The following TIAM1 variants were observed in gnomAD, a reference collection of about 807,000 sequenced individuals.
TIAM1 encodes TIAM Rac1 associated GEF 1.
A neutral mutation model predicts 163.5 loss-of-function variants in TIAM1; 65 were observed. The ratio of observed to expected loss-of-function variants is 0.40; its 90% CI spans 0.33 to 0.49. The LOEUF is 0.49. TIAM1 is among the 20% of genes least tolerant of loss of function. The probability of loss-of-function intolerance (pLI) is 0.77; values close to 1 mark genes in which losing one functional copy is unlikely to be tolerated. For missense variants in TIAM1, 1,789 were observed against 2,044.7 expected (o/e 0.87, Z 2.41); for synonymous variants, 833 against 810.1 (o/e 1.03, Z -0.48).
At chr21:31,226,685 T>A (rs939720532) in intron 6 of TIAM1, among the ~76,000 whole-genome samples, 5 of 152,178 alleles carry the variant, frequency 3.3e-5, no homozygotes, top group Non-Finnish European at 5.9e-5. Context: ...TAACTCGCTA[T>A]TAATGATTCT....
intron 6 of TIAM1, among the ~76,000 whole-genome samples, chr21:31,229,707 T>A (rs1335363643): frequency 6.6e-6 from 1 of 151,888 alleles, no homozygotes; most frequent in Non-Finnish European, 1.5e-5. Flanking sequence ...TGGAGTGCAG[T>A]AGCAGTGCAA....
Position 31,274,737 on chromosome 21 carries a change from C to T in TIAM1, c.-12+1995G>A, listed in dbSNP as rs1477153995. ...ATCTCTAGTGCAAAATTCTTCTCAT[C>T]TTCCAGAATTAAAATCTGAGATTTG... is the stretch of plus-strand genomic sequence containing the variant. On this transcript the variant is annotated intron_variant, in intron 3 of 27. Coordinates refer to ENST00000541036, the MANE Select transcript of TIAM1 (RefSeq NM_001353694.2). Among the ~76,000 whole-genome samples the T allele has an allele frequency of 3.9e-5, 6 of 152,206 alleles. No homozygotes were observed. The South Asian group carries it at 1.0e-3, about 26-fold the overall frequency.
chr21:31,296,343 A>G (rs1157679368), intron 2 of TIAM1, among the ~76,000 whole-genome samples: 1 of 152,228 alleles, frequency 6.6e-6, no homozygotes, highest in East Asian at 1.9e-4. Context: ...TAAATGAACA[A>G]AAACAGATAA....
intron 5 of TIAM1, among the ~76,000 whole-genome samples, chr21:31,250,672 C>T (rs1176957606): frequency 6.6e-6 from 1 of 152,226 alleles, no homozygotes; most frequent in Non-Finnish European, 1.5e-5. Flanking sequence ...ACCTATCTAA[C>T]CTAGCCTGCC....
chr21:31,386,833 G>A (rs1451762860), intron 2 of TIAM1, among the ~76,000 whole-genome samples: 1 of 152,214 alleles, frequency 6.6e-6, no homozygotes, highest in Non-Finnish European at 1.5e-5. Flanking sequence ...ATTGTTAAAA[G>A]AATAACTACA....
intron 1 of TIAM1, among the ~76,000 whole-genome samples, chr21:31,506,021 A>G (rs1602443193): frequency 6.6e-6 from 1 of 151,292 alleles, no homozygotes; most frequent in East Asian, 1.9e-4. Context: ...AAAAAAAAAA[A>G]AAAAAAAAAA....
intron 1 of TIAM1, among the ~76,000 whole-genome samples, chr21:31,472,597 C>T (rs111791684): frequency 1.9e-4 from 29 of 152,302 alleles, no homozygotes; most frequent in African/African-American, 6.3e-4. Flanking sequence ...GTCACATGCC[C>T]CGCATGTTTC....
At position 31,164,983 on chromosome 21, in the gene TIAM1, AT is replaced by A; in HGVS notation, c.2969del (p.Asp990ValfsTer23). On this transcript the variant is annotated frameshift_variant, in exon 16 of 28. Coordinates refer to ENST00000541036, the MANE Select transcript of TIAM1 (RefSeq NM_001353694.2). LOFTEE classifies it high-confidence loss of function. Reference protein sequence around the residue: ...ETEGPDLESSDETDHSSKSTE... With the variant: ...ETEGPDLESSXETDHSSKSTE... The stretch of plus-strand genomic sequence containing the variant: ...TCACCTTGCTGCTGTGATCAGTCTC[AT>A]CTGAGGATTCCAAGTCTGGCCCCTC... 1 of 1,614,174 alleles carries A rather than the reference AT, an allele frequency of 6.2e-7. No individual in the cohort carries two copies. The highest frequency in any genetic ancestry group is 8.5e-7 in the Non-Finnish European group (1 of 1,180,040).
chr21:31,233,862 C>T (rs756468385), intron 6 of TIAM1, among the ~76,000 whole-genome samples: 8 of 152,138 alleles, frequency 5.3e-5, no homozygotes, highest in South Asian at 2.1e-4. Context: ...AGGGACCGTG[C>T]GCTGCAAAGA....
chr21:31,128,136 T>C (rs1374831881), intron 25 of TIAM1, among the ~76,000 whole-genome samples: 4 of 152,252 alleles, frequency 2.6e-5, no homozygotes, highest in Non-Finnish European at 5.9e-5. Context: ...TTTTATCCAG[T>C]GGTTCAGAAC....
At chr21:31,432,276 T>A (rs2044066648) in intron 2 of TIAM1, among the ~76,000 whole-genome samples, 1 of 151,998 alleles carries the variant, frequency 6.6e-6, no homozygotes, top group African/African-American at 2.4e-5. Context: ...AATTTTTGTA[T>A]TTTTAGTGGA....
intron 1 of TIAM1, among the ~76,000 whole-genome samples, chr21:31,474,850 C>T (rs958261393): frequency 2.0e-5 from 3 of 151,680 alleles, no homozygotes; most frequent in Non-Finnish European, 4.4e-5. Flanking sequence ...AACCTTTAGC[C>T]TTTATTATTC....
chr21:31,203,313 G>C (rs958414961), intron 11 of TIAM1, among the ~76,000 whole-genome samples: 4 of 152,126 alleles, frequency 2.6e-5, no homozygotes, highest in Admixed American at 6.5e-5. Context: ...AGTGGAGATG[G>C]GGTTTCACTA....
At chr21:31,555,882 G>C (rs1289612501) in intron 1 of TIAM1, among the ~76,000 whole-genome samples, 1 of 152,012 alleles carries the variant, frequency 6.6e-6, no homozygotes. Context: ...GGTTTCAGTC[G>C]GCACACTAGA....
chr21:31,279,344 A>C (rs1444895907), intron 2 of TIAM1, among the ~76,000 whole-genome samples: 1 of 152,234 alleles, frequency 6.6e-6, no homozygotes, highest in Non-Finnish European at 1.5e-5. Context: ...ATGTGCCAAC[A>C]AGTACGTATC....
intron 2 of TIAM1, among the ~76,000 whole-genome samples, chr21:31,320,380 C>T (rs1034144847): frequency 6.6e-6 from 1 of 152,044 alleles, no homozygotes; most frequent in Non-Finnish European, 1.5e-5. Flanking sequence ...AGAATTAGAT[C>T]ATGGTAATGG....
rs2048971949 is a variant in TIAM1 at position 31,558,491 on chromosome 21, C to T, written c.-422+436G>A. ...CCTAAGTCAGGGACCGAGACGCAAACATAGACACAAGGATGCACAAGCACG... is the reference window on the plus strand; with the variant it reads ...CCTAAGTCAGGGACCGAGACGCAAATATAGACACAAGGATGCACAAGCACG... On this transcript the variant is annotated intron_variant, in intron 1 of 28. Coordinates refer to the TIAM1 transcript ENST00000286827. Among the ~76,000 whole-genome samples, 3 of 152,098 alleles carry T rather than the reference C, an allele frequency of 2.0e-5. No individual in the cohort carries two copies. In the South Asian group the frequency reaches 6.2e-4, roughly 32 times the overall value.
intron 13 of TIAM1, among the ~76,000 whole-genome samples, chr21:31,192,344 A>G (rs2284480): frequency 0.18 from 27,125 of 152,178 alleles, 3,531 homozygotes; most frequent in East Asian, 0.4. Flanking sequence ...TGGGCCAGGC[A>G]CAGTGGCTCA....
intron 15 of TIAM1, among the ~76,000 whole-genome samples, chr21:31,168,032 T>C (rs1189135159): frequency 6.6e-6 from 1 of 151,114 alleles, no homozygotes; most frequent in African/African-American, 2.4e-5. Context: ...AAATTCTGCC[T>C]ATACTTTGGG....
Sources: allele counts gnomAD v4.1 joint callset (sites outside exome capture counted in the v4.1 genomes callset), GRCh38; gene constraint gnomAD v4.1.1; transcripts MANE v1.5; gene names NCBI Gene and HGNC (gene_info 2026-07-23, HGNC 2026-07-21).